The following TRIM60 variants were observed in gnomAD, a reference collection of about 807,000 sequenced individuals.
The protein encoded by TRIM60 is tripartite motif containing 60, also known as tripartite motif-containing protein 60.
For synonymous variants in TRIM60, 189 were observed against 195.2 expected (o/e 0.97, Z 0.27); for missense variants, 524 against 540.8 (o/e 0.97, Z 0.31).
Position 165,040,401 on chromosome 4 carries a change from A to C in TRIM60, c.329A>C (p.Lys110Thr). The change falls in exon 3 of 3, where the codon AAA becomes ACA. Residue 110 changes from lysine to threonine, a missense_variant. Physicochemically the swap from Lys to Thr is moderately conservative, Grantham distance 78. Transcript: ENST00000512596. ...HNQFLTLFCV[K>T]DLEILCTQCS... is the part of the protein sequence containing the mutation. ...CAGTTTCTGACCCTCTTCTGTGTTA[A>C]AGATCTAGAGATCTTATGTACACAG... is the stretch of plus-strand genomic sequence containing the variant. The C allele has an allele frequency of 1.2e-6, 2 of 1,614,234 alleles. No homozygotes were observed. The highest frequency in any genetic ancestry group is 1.7e-6 in the Non-Finnish European group (2 of 1,180,040).
At chr4:165,038,430 T>G (rs2111213947) in intron 1 of TRIM60, among the ~76,000 whole-genome samples, 1 of 152,180 alleles carries the variant, frequency 6.6e-6, no homozygotes, top group East Asian at 1.9e-4. Flanking sequence ...GGCTCACACC[T>G]ATAATCCCAG....
chr4:165,033,507 T>C (rs1733553382), intron 1 of TRIM60, among the ~76,000 whole-genome samples: 1 of 152,154 alleles, frequency 6.6e-6, no homozygotes, highest in Non-Finnish European at 1.5e-5. Flanking sequence ...AAGAGTAAAG[T>C]CCAGATGTTG....
Position 165,041,119 on chromosome 4 carries a change from A to T in TRIM60, c.1047A>T (p.Arg349=), listed in dbSNP as rs752222931. ...VLGSQRFSSG[R]HYWEVEVGNK... The stretch of plus-strand genomic sequence containing the variant: ...GCTCTCAGAGATTTAGTTCTGGCCG[A>T]CATTACTGGGAAGTAGAAGTGGGAA... Residue 349 remains arginine (R), a synonymous_variant, in exon 3 of 3, where the codon CGA becomes CGT. Coordinates refer to ENST00000512596, the MANE Select transcript of TRIM60 (RefSeq NM_152620.3). The T allele has an allele frequency of 3.7e-6, 6 of 1,614,104 alleles. No individual in the cohort carries two copies. The highest frequency in any genetic ancestry group is 2.5e-6 in the Non-Finnish European group (3 of 1,180,038).
Position 165,040,564 on chromosome 4 carries a change from G to C in TRIM60, c.492G>C (p.Leu164=), listed in dbSNP as rs779737750. 1 of 1,614,106 alleles carries C rather than the reference G, an allele frequency of 6.2e-7. No homozygotes were observed. Among genetic ancestry groups the C allele is most frequent in the South Asian group, 1.1e-5 (1 of 91,082 alleles). Residue 164 remains leucine, a synonymous_variant, in exon 3 of 3, where the codon CTG becomes CTC. Coordinates refer to ENST00000512596, the MANE Select transcript of TRIM60 (RefSeq NM_152620.3). ...NIERVEKVII[L]QGSKSVELKK... ...AACGAGTTGAAAAAGTGATAATTCTGCAAGGCAGCAAATCAGTGGAGCTGA... is the reference window on the plus strand; with the variant it reads ...AACGAGTTGAAAAAGTGATAATTCTCCAAGGCAGCAAATCAGTGGAGCTGA...
intron 1 of TRIM60, among the ~76,000 whole-genome samples, chr4:165,032,755 A>G (rs1456724750): frequency 1.3e-5 from 2 of 152,170 alleles, no homozygotes; most frequent in Admixed American, 6.5e-5. Context: ...GGCTGTCAGG[A>G]AACTGCTACG....
chr4:165,040,312 A>C lies in TRIM60; in HGVS notation c.240A>C (p.Gln80His). The part of the protein sequence containing the change: ...QLRNLTEIAK[Q>H]LQIRRSKRKR... Reference sequence around the variant, plus strand: ...GTAATTTGACTGAAATTGCTAAACAACTCCAGATTAGGAGGAGCAAGAGAA... The same window carrying C: ...GTAATTTGACTGAAATTGCTAAACACCTCCAGATTAGGAGGAGCAAGAGAA... Residue 80 changes from glutamine (Q) to histidine (H), a missense_variant, in exon 3 of 3, where the codon CAA becomes CAC. Physicochemically the swap from Gln to His is conservative, Grantham distance 24 (BLOSUM62 0). Transcript: ENST00000512596. 6.2e-7 allele frequency: 1 copy of C among 1,614,100 alleles called. No homozygotes were observed. Among genetic ancestry groups the C allele is most frequent in the African/African-American group, 1.3e-5 (1 of 75,000 alleles).
Position 165,040,723 on chromosome 4 carries a change from T to C in TRIM60, c.651T>C (p.Asn217=). 2 of 1,614,012 alleles carry C rather than the reference T, an allele frequency of 1.2e-6. No individual in the cohort carries two copies. The highest frequency in any genetic ancestry group is 1.7e-6 in the Non-Finnish European group (2 of 1,179,976). The change falls in exon 3 of 3, where the codon AAT becomes AAC. Residue 217 remains asparagine (N), a synonymous_variant. Transcript: ENST00000512596. ...DEEMNILAKL[N]ENLVELSDYV... Reference sequence around the variant, plus strand: ...AGATGAACATTTTAGCAAAACTAAATGAAAACCTTGTAGAACTTTCAGATT... The same window carrying C: ...AGATGAACATTTTAGCAAAACTAAACGAAAACCTTGTAGAACTTTCAGATT...
In TRIM60 at chr4:165,041,731, GT is replaced by G. The variant is rs1733772102; in HGVS notation, c.*247del. Reference sequence around the variant, plus strand: ...TGTTACTTAACATGTCCAATAAAATGTTTTCAAATTGCCTATAATTTTTTTT... The same window carrying G: ...TGTTACTTAACATGTCCAATAAAATGTTTCAAATTGCCTATAATTTTTTTT... On this transcript the variant is annotated 3_prime_UTR_variant, in exon 3 of 3. Transcript: ENST00000512596. 3.0e-6 allele frequency: 1 copy of G among 334,060 alleles called. No individual in the cohort carries two copies. The highest frequency in any genetic ancestry group is 5.6e-6 in the Non-Finnish European group (1 of 178,872). The allele number at this position is 334,060 out of a possible 1,614,324, so 20.7% of individuals were successfully genotyped here. A position where few individuals can be genotyped will look rare whatever the true frequency, so the allele number is the denominator to read the frequency against.
chr4:165,041,392 T>C lies in TRIM60; in HGVS notation c.1320T>C (p.Phe440=), dbSNP rs778315956. 5.6e-6 allele frequency: 9 copies of C among 1,613,404 alleles called. No individual in the cohort carries two copies. In the African/African-American group the frequency reaches 1.2e-4, roughly 22 times the overall value. The change falls in exon 3 of 3, where the codon TTT becomes TTC. Residue 440 remains phenylalanine (F), a synonymous_variant. Transcript: ENST00000512596. ...ATGATAGGTCTATTCTCTATACTTT[T>C]AACGATTGTTTCACAGAAGCCGTTT... ...NMNDRSILYT[F]NDCFTEAVWP...
rs1259144045 is a variant in TRIM60 at position 165,040,578 on chromosome 4, C to T, written c.506C>T (p.Ser169Leu). ...EKVIILQGSK[S>L]VELKKKVEYK... ...GTGATAATTCTGCAAGGCAGCAAATCAGTGGAGCTGAAAAAGAAGGTAGAA... is the reference window on the plus strand; with the variant it reads ...GTGATAATTCTGCAAGGCAGCAAATTAGTGGAGCTGAAAAAGAAGGTAGAA... Residue 169 changes from serine to leucine, a missense_variant, in exon 3 of 3, where the codon TCA becomes TTA. Physicochemically the swap from Ser to Leu is moderately radical, Grantham distance 145. Coordinates refer to ENST00000512596, the MANE Select transcript of TRIM60 (RefSeq NM_152620.3). The T allele has an allele frequency of 1.2e-6, 2 of 1,614,058 alleles. No individual in the cohort carries two copies. Among genetic ancestry groups the T allele is most frequent in the East Asian group, 2.2e-5 (1 of 44,876 alleles).
At chr4:165,033,616 T>C (rs1056950336) in intron 1 of TRIM60, among the ~76,000 whole-genome samples, 2 of 152,196 alleles carry the variant, frequency 1.3e-5, no homozygotes, top group African/African-American at 2.4e-5. Flanking sequence ...AGTTATGGAA[T>C]TGATTGACGG....
In TRIM60 at chr4:165,041,082, C is replaced by T. The variant is rs553554800; in HGVS notation, c.1010C>T (p.Pro337Leu). 7.4e-6 allele frequency: 12 copies of T among 1,614,126 alleles called. No homozygotes were observed. In the Admixed American group the frequency reaches 2.0e-4, roughly 27 times the overall value. The change falls in exon 3 of 3, where the codon CCT becomes CTT. Residue 337 changes from proline to leucine, a missense_variant. By Grantham distance (98) the Pro-to-Leu change is moderately conservative. Transcript: ENST00000512596. ...CYDPRRFYVC[P>L]AVLGSQRFSS... Reference sequence around the variant, plus strand: ...GACCCAAGGAGATTTTATGTCTGCCCTGCTGTCCTAGGCTCTCAGAGATTT... The same window carrying T: ...GACCCAAGGAGATTTTATGTCTGCCTTGCTGTCCTAGGCTCTCAGAGATTT...
rs370165144 is a variant in TRIM60, at chr4:165,038,679, A to G, written c.-56-522A>G. On this transcript the variant is annotated intron_variant, in intron 1 of 2. Transcript: ENST00000512596. ...AAAAAAGCCTGCTTTTTTTCCCAGC[A>G]CTGTTGTCATTTGTGCTGTTGAGAA... Among the ~76,000 whole-genome samples, 7 of 148,326 alleles carry G rather than the reference A, an allele frequency of 4.7e-5. No individual in the cohort carries two copies. In the South Asian group the frequency reaches 1.3e-3, roughly 27 times the overall value.
At chr4:165,038,827 A>G (rs1428264664) in intron 1 of TRIM60, among the ~76,000 whole-genome samples, 1 of 151,894 alleles carries the variant, frequency 6.6e-6, no homozygotes, top group Non-Finnish European at 1.5e-5. Context: ...TAATTCCAGC[A>G]CTTTGGGGAG....
intron 1 of TRIM60, among the ~76,000 whole-genome samples, chr4:165,038,697 G>A (rs148896202): frequency 1.4e-3 from 204 of 149,352 alleles, no homozygotes; most frequent in African/African-American, 4.9e-3. Flanking sequence ...CATTTGTGCT[G>A]TTGAGAACCA....
At chr4:165,036,031 C>T (rs958944794) in intron 1 of TRIM60, among the ~76,000 whole-genome samples, 6 of 152,070 alleles carry the variant, frequency 3.9e-5, no homozygotes, top group African/African-American at 1.4e-4. Flanking sequence ...CAATAGTGAG[C>T]CCTTCTTATA....
At chr4:165,035,959 G>T (rs1021755418) in intron 1 of TRIM60, among the ~76,000 whole-genome samples, 1 of 152,112 alleles carries the variant, frequency 6.6e-6, no homozygotes, top group African/African-American at 2.4e-5. Context: ...CTGACCTCAG[G>T]TGATCTGCCC....
chr4:165,033,342 A>T (rs1209507249), intron 1 of TRIM60, among the ~76,000 whole-genome samples: 1 of 152,226 alleles, frequency 6.6e-6, no homozygotes, highest in South Asian at 2.1e-4. Flanking sequence ...GTACACCAGC[A>T]TAAGAATCAG....
chr4:165,040,374 A>G lies in TRIM60; in HGVS notation c.302A>G (p.Asn101Ser), dbSNP rs1733728033. 1.2e-6 allele frequency: 2 copies of G among 1,614,118 alleles called. No homozygotes were observed. Among genetic ancestry groups the G allele is most frequent in the African/African-American group, 2.7e-5 (2 of 74,940 alleles). ...GAGAATGCCATGTGTGAAAAACACA[A>G]CCAGTTTCTGACCCTCTTCTGTGTT... ...QKENAMCEKH[N>S]QFLTLFCVKD... The change falls in exon 3 of 3, where the codon AAC (asparagine) becomes AGC (serine). Residue 101 changes from asparagine to serine, a missense_variant. Asn to Ser is a conservative substitution (Grantham distance 46). Transcript: ENST00000512596.
Sources: allele counts gnomAD v4.1 joint callset (sites outside exome capture counted in the v4.1 genomes callset), GRCh38; gene constraint gnomAD v4.1.1; transcripts MANE v1.5; gene names NCBI Gene and HGNC (gene_info 2026-07-23, HGNC 2026-07-21).